GALNTL6: variants seen among roughly 807,000 people sequenced by gnomAD.
The protein encoded by GALNTL6 is polypeptide N-acetylgalactosaminyltransferase like 6.
GALNTL6 carries 46 observed loss-of-function variants against 73.7 expected under a neutral mutation model. The observed-to-expected ratio is 0.62, with a 90% CI of 0.49 to 0.80. The LOEUF (loss-of-function observed/expected upper bound fraction) is 0.80, where lower values mean the gene tolerates loss of function less well. Ranked by LOEUF, GALNTL6 falls within the 30% of genes least tolerant of loss-of-function variation. The pLI, the probability that GALNTL6 is intolerant of heterozygous loss-of-function variation, is 0.00. For synonymous variants in GALNTL6, 259 were observed against 263.7 expected (o/e 0.98, Z 0.17); for missense variants, 604 against 755.0 (o/e 0.80, Z 2.34).
chr4:172,376,362 T>C (rs1044943026), intron 5 of GALNTL6, among the ~76,000 whole-genome samples: 5 of 152,152 alleles, frequency 3.3e-5, no homozygotes, highest in Admixed American at 3.3e-4. Context: ...GACATGCCTT[T>C]GAGAGTTCTG....
intron 5 of GALNTL6, among the ~76,000 whole-genome samples, chr4:172,513,998 G>A (rs1246487628): frequency 1.3e-5 from 2 of 152,238 alleles, no homozygotes; most frequent in East Asian, 3.9e-4. Context: ...GGGCAGGGTT[G>A]TTCTTTTATG....
At chr4:172,048,454 A>C (rs931163775) in intron 2 of GALNTL6, among the ~76,000 whole-genome samples, 2 of 152,132 alleles carry the variant, frequency 1.3e-5, no homozygotes, top group African/African-American at 2.4e-5. Context: ...AATATCTGCT[A>C]ATCTAAGCCA....
chr4:172,047,371 C>T (rs1383293607), intron 2 of GALNTL6, among the ~76,000 whole-genome samples: 5 of 151,994 alleles, frequency 3.3e-5, no homozygotes, highest in Admixed American at 6.6e-5. Flanking sequence ...ATAGAAATAC[C>T]GTAAACATTT....
At chr4:172,933,359 C>T (rs1748452590) in intron 9 of GALNTL6, among the ~76,000 whole-genome samples, 1 of 151,740 alleles carries the variant, frequency 6.6e-6, no homozygotes, top group South Asian at 2.1e-4. Flanking sequence ...CCAAAAGGAG[C>T]TATTTTCAAA....
chr4:172,484,511 A>C, intron 5 of GALNTL6, among the ~76,000 whole-genome samples: 1 of 151,464 alleles, frequency 6.6e-6, no homozygotes, highest in East Asian at 1.9e-4. Flanking sequence ...CGCTGGTTGG[A>C]AACATTGGTG....
At chr4:172,732,044 A>G (rs906961636) in intron 5 of GALNTL6, among the ~76,000 whole-genome samples, 9 of 152,052 alleles carry the variant, frequency 5.9e-5, no homozygotes, top group African/African-American at 2.2e-4. Context: ...GTAAATATCA[A>G]TTAGTCCTAT....
intron 5 of GALNTL6, among the ~76,000 whole-genome samples, chr4:172,634,746 C>G (rs756816580): frequency 6.6e-6 from 1 of 151,844 alleles, no homozygotes; most frequent in Non-Finnish European, 1.5e-5. Context: ...TGTTTTGTAC[C>G]AAGAATTAGA....
intron 5 of GALNTL6, among the ~76,000 whole-genome samples, chr4:172,476,959 C>T (rs946364251): frequency 1.5e-5 from 2 of 129,734 alleles, no homozygotes; most frequent in African/African-American, 5.9e-5. Context: ...GAGTCTTGCT[C>T]TGTCGCCCAG....
chr4:172,527,652 C>CCT (rs1735008063), intron 5 of GALNTL6, among the ~76,000 whole-genome samples: 1 of 152,120 alleles, frequency 6.6e-6, no homozygotes, highest in Non-Finnish European at 1.5e-5. Context: ...CCTTAAGAGC[C>CCT]TATTGCAGTG....
intron 5 of GALNTL6, among the ~76,000 whole-genome samples, chr4:172,686,387 A>G (rs953783430): frequency 2.6e-5 from 4 of 152,124 alleles, no homozygotes; most frequent in Admixed American, 1.3e-4. Flanking sequence ...ATACAGTAAA[A>G]CATGAGAAGC....
intron 7 of GALNTL6, among the ~76,000 whole-genome samples, chr4:172,815,178 T>G (rs953098823): frequency 6.6e-6 from 1 of 152,180 alleles, no homozygotes; most frequent in Admixed American, 6.5e-5. Flanking sequence ...AGGTGATGCA[T>G]ATGTTAATTA....
intron 5 of GALNTL6, among the ~76,000 whole-genome samples, chr4:172,522,487 A>C (rs1027140458): frequency 1.3e-5 from 2 of 152,174 alleles, no homozygotes; most frequent in East Asian, 1.9e-4. Context: ...CCTTACCAAC[A>C]TAGAGAAACC....
At chr4:171,967,977 G>A (rs1431827773) in intron 2 of GALNTL6, among the ~76,000 whole-genome samples, 3 of 152,136 alleles carry the variant, frequency 2.0e-5, no homozygotes, top group Non-Finnish European at 2.9e-5. Flanking sequence ...GAGAACAGTA[G>A]TGTGTGCACA....
chr4:172,374,633 C>T (rs902788614), intron 5 of GALNTL6, among the ~76,000 whole-genome samples: 3 of 152,112 alleles, frequency 2.0e-5, no homozygotes, highest in Non-Finnish European at 2.9e-5. Context: ...TTTATGACTC[C>T]GGTCCCTGTG....
At chr4:172,917,447 C>T (rs1452670565) in intron 8 of GALNTL6, among the ~76,000 whole-genome samples, 7 of 152,170 alleles carry the variant, frequency 4.6e-5, no homozygotes, top group African/African-American at 1.7e-4. Context: ...AACCTACCAT[C>T]AAAGTGAACA....
At chr4:172,165,134 T>G (rs1043520307) in intron 2 of GALNTL6, among the ~76,000 whole-genome samples, 3 of 152,146 alleles carry the variant, frequency 2.0e-5, no homozygotes, top group African/African-American at 7.2e-5. Flanking sequence ...AACCTTTGAT[T>G]ATCTCTTCAT....
Position 172,229,087 on chromosome 4 carries a change from A to G in GALNTL6, c.139-569A>G, listed in dbSNP as rs539667080. 2.6e-3 allele frequency among the ~76,000 whole-genome samples: 399 copies of G among 152,286 alleles called. 1 individual carries two copies. The highest frequency in any genetic ancestry group is 9.2e-3 in the African/African-American group (381 of 41,578). On this transcript the variant is annotated intron_variant, in intron 2 of 12. Coordinates refer to ENST00000506823, the MANE Select transcript of GALNTL6 (RefSeq NM_001034845.3). ...CTGCCACTGTGGTTTACCTCAAGCCATTTTAGTTATTTGATCCTCAGTTTA... is the reference window on the plus strand; with the variant it reads ...CTGCCACTGTGGTTTACCTCAAGCCGTTTTAGTTATTTGATCCTCAGTTTA...
At chr4:172,084,025 A>G (rs79458189) in intron 2 of GALNTL6, among the ~76,000 whole-genome samples, 2,741 of 152,302 alleles carry the variant, frequency 0.018, 72 homozygotes, top group African/African-American at 0.059. Flanking sequence ...GGAAGTATAC[A>G]CAAGGCAGAA....
intron 5 of GALNTL6, chr4:172,669,013 G>C (rs972643965): frequency 6.6e-6 from 1 of 151,942 alleles, no homozygotes; most frequent in South Asian, 2.1e-4. Context: ...AAAAAAAAAA[G>C]TTTTATTTTA....
Sources: allele counts gnomAD v4.1 joint callset (sites outside exome capture counted in the v4.1 genomes callset), GRCh38; gene constraint gnomAD v4.1.1; transcripts MANE v1.5; gene names NCBI Gene and HGNC (gene_info 2026-07-23, HGNC 2026-07-21).